NOCT: variants seen among roughly 807,000 people sequenced by gnomAD.
NOCT encodes nocturnin.
Under a neutral mutation model 35.0 loss-of-function variants are expected in NOCT, and 18 were observed. The ratio of observed to expected loss-of-function variants is 0.51; its 90% CI spans 0.36 to 0.76. The LOEUF (loss-of-function observed/expected upper bound fraction) is 0.76. NOCT is among the 30% of genes least tolerant of loss of function. The pLI, the probability that NOCT is intolerant of heterozygous loss-of-function variation, is 0.01. For synonymous variants in NOCT, 235 were observed against 226.3 expected, an observed-to-expected ratio of 1.04 and a Z score of -0.34; for missense variants, 479 against 541.0, an observed-to-expected ratio of 0.89 and a Z score of 1.14.
At chr4:139,024,045 C>CTTTTTTTTTTT (rs368349308) in intron 1 of NOCT, among the ~76,000 whole-genome samples, 2 of 130,998 alleles carry the variant, frequency 1.5e-5, no homozygotes, top group African/African-American at 5.9e-5. Flanking sequence ...TCTATTCATC[C>CTTTTTTTTTTT]TTTTTTTTTT....
At chr4:139,022,149 G>C (rs999012196) in intron 1 of NOCT, among the ~76,000 whole-genome samples, 2 of 152,194 alleles carry the variant, frequency 1.3e-5, no homozygotes, top group African/African-American at 4.8e-5. Context: ...GTGTGCCTGG[G>C]CGTTTAGCCT....
intron 1 of NOCT, among the ~76,000 whole-genome samples, chr4:139,019,572 T>C (rs1269658205): frequency 6.6e-6 from 1 of 152,224 alleles, no homozygotes; most frequent in East Asian, 1.9e-4. Context: ...CTGAGCCTTG[T>C]GGTGGGGAGT....
chr4:139,032,656 G>C (rs763799395), intron 1 of NOCT, among the ~76,000 whole-genome samples: 4 of 152,126 alleles, frequency 2.6e-5, no homozygotes, highest in Non-Finnish European at 5.9e-5. Flanking sequence ...TTCAGCAGAG[G>C]TTTTGTCAAG....
At chr4:139,027,598 C>A (rs1373706505) in intron 1 of NOCT, among the ~76,000 whole-genome samples, 1 of 151,926 alleles carries the variant, frequency 6.6e-6, no homozygotes, top group Non-Finnish European at 1.5e-5. Context: ...CTCCCGGGTT[C>A]ACTCCATTCT....
At chr4:139,021,598 T>C (rs941994976) in intron 1 of NOCT, among the ~76,000 whole-genome samples, 1 of 151,966 alleles carries the variant, frequency 6.6e-6, no homozygotes, top group African/African-American at 2.4e-5. Flanking sequence ...TGGGAGTGTA[T>C]CCATGTAGTC....
chr4:139,022,476 C>T (rs1166969385), intron 1 of NOCT, among the ~76,000 whole-genome samples: 4 of 152,134 alleles, frequency 2.6e-5, no homozygotes, highest in African/African-American at 9.7e-5. Context: ...GCGTGGGTCC[C>T]ATTCAGATCT....
chr4:139,015,820 G>T lies in NOCT; in HGVS notation c.-162G>T, dbSNP rs895858440. On this transcript the variant is annotated 5_prime_UTR_variant, in exon 1 of 3. Transcript: ENST00000280614. ...CAGCGGTGTTGCACCTCCCTCTCCGGCTCTGCTGCCCGGGATTTCCCCAGA... is the reference window on the plus strand; with the variant it reads ...CAGCGGTGTTGCACCTCCCTCTCCGTCTCTGCTGCCCGGGATTTCCCCAGA... The T allele has an allele frequency of 8.1e-6, 4 of 493,848 alleles. No individual in the cohort carries two copies. Among genetic ancestry groups the T allele is most frequent in the South Asian group, 8.8e-5 (1 of 11,402 alleles). 30.6% of individuals were successfully genotyped at this position (493,848 alleles called of 1,614,324 possible). A position where few individuals can be genotyped will look rare whatever the true frequency, so the allele number is the denominator to read the frequency against.
At chr4:139,025,301 TCTC>T (rs1024133873) in intron 1 of NOCT, among the ~76,000 whole-genome samples, 2 of 152,182 alleles carry the variant, frequency 1.3e-5, no homozygotes, top group Non-Finnish European at 2.9e-5. Flanking sequence ...CCCCTCAGCT[TCTC>T]CTGCCCTTTC....
intron 1 of NOCT, among the ~76,000 whole-genome samples, chr4:139,033,633 T>C (rs1274735316): frequency 6.6e-6 from 1 of 151,638 alleles, no homozygotes; most frequent in Non-Finnish European, 1.5e-5. Context: ...GATGGCACCA[T>C]TGTGCTCCAA....
At chr4:139,019,477 A>T (rs556081136) in intron 1 of NOCT, among the ~76,000 whole-genome samples, 24 of 152,338 alleles carry the variant, frequency 1.6e-4, no homozygotes, top group African/African-American at 5.8e-4. Context: ...ATAACTCCAG[A>T]TTGTTCTTCT....
chr4:139,043,307 C>T lies in NOCT; in HGVS notation c.424C>T (p.Pro142Ser). The change falls in exon 2 of 3, where the codon CCT becomes TCT. Residue 142 changes from proline (P) to serine (S), a missense_variant. Around this residue, in one of 2 missense-constraint regions of NOCT, gnomAD observed 265 missense variants for 257.0 expected, o/e 1.03. Transcript: ENST00000280614. ...LRTDCPSTHP[P>S]IRVMQWNILA... ...GACAGATTGCCCTAGTACCCACCCA[C>T]CTATCAGGGTTATGCAATGGAACAT... 1 of 1,614,122 alleles carries T rather than the reference C, an allele frequency of 6.2e-7. No homozygotes were observed. Among genetic ancestry groups the T allele is most frequent in the Non-Finnish European group, 8.5e-7 (1 of 1,180,008 alleles).
chr4:139,022,471 G>A (rs1292139429), intron 1 of NOCT, among the ~76,000 whole-genome samples: 1 of 152,110 alleles, frequency 6.6e-6, no homozygotes. Flanking sequence ...AAAATGCGTG[G>A]GTCCCATTCA....
intron 1 of NOCT, among the ~76,000 whole-genome samples, chr4:139,030,441 A>G (rs1241443552): frequency 6.6e-6 from 1 of 151,988 alleles, no homozygotes; most frequent in Non-Finnish European, 1.5e-5. Flanking sequence ...ATCCTGGGGG[A>G]AATGGTAAAT....
chr4:139,020,576 G>T (rs1178279576), intron 1 of NOCT, among the ~76,000 whole-genome samples: 1 of 152,208 alleles, frequency 6.6e-6, no homozygotes, highest in Non-Finnish European at 1.5e-5. Context: ...TTAAAATGCA[G>T]ATTTCTGGCC....
chr4:139,043,520 CTTT>C (rs200273114), intron 2 of NOCT, 177 bp downstream of exon 2: 120 of 460,096 alleles, frequency 2.6e-4, no homozygotes, highest in East Asian at 4.4e-4. Context: ...CTGGTTTTCA[CTTT>C]TTTTTTTTTT....
chr4:139,037,686 C>G (rs1489702672), intron 1 of NOCT, among the ~76,000 whole-genome samples: 1 of 152,132 alleles, frequency 6.6e-6, no homozygotes, highest in African/African-American at 2.4e-5. Flanking sequence ...TCCACCTGAT[C>G]TTGGAGAAAT....
chr4:139,032,160 C>T (rs1464022072), intron 1 of NOCT, among the ~76,000 whole-genome samples: 1 of 152,164 alleles, frequency 6.6e-6, no homozygotes, highest in Non-Finnish European at 1.5e-5. Context: ...TATTCTTATA[C>T]AGTAAAATAG....
chr4:139,045,616 A>G lies in NOCT; in HGVS notation c.*142A>G, dbSNP rs1181728678. On this transcript the variant is annotated 3_prime_UTR_variant, in exon 3 of 3. Transcript: ENST00000280614. ...ACTGCAAGATCCGCCTCCCGGGTTC[A>G]TGGCATTCTCCTGCCTCAGCCTCCA... is the stretch of plus-strand genomic sequence containing the variant. The G allele has an allele frequency of 5.8e-6, 3 of 521,680 alleles. No homozygotes were observed. Among genetic ancestry groups the G allele is most frequent in the Non-Finnish European group, 9.7e-6 (3 of 310,826 alleles). The allele number at this position is 521,680 out of a possible 1,614,324, so 32.3% of individuals were successfully genotyped here. A position where few individuals can be genotyped will look rare whatever the true frequency, so the allele number is the denominator to read the frequency against.
At chr4:139,030,123 C>A (rs1726598283) in intron 1 of NOCT, among the ~76,000 whole-genome samples, 1 of 152,158 alleles carries the variant, frequency 6.6e-6, no homozygotes, top group African/African-American at 2.4e-5. Flanking sequence ...AGGTGATCCA[C>A]CTGCCTTGCC....
Sources: allele counts gnomAD v4.1 joint callset (sites outside exome capture counted in the v4.1 genomes callset), GRCh38; gene constraint gnomAD v4.1.1; regional missense constraint gnomAD v4.1.1; transcripts MANE v1.5; gene names NCBI Gene and HGNC (gene_info 2026-07-23, HGNC 2026-07-21).